EIF2AK4: variants seen among roughly 807,000 people sequenced by gnomAD.
EIF2AK4 encodes eukaryotic translation initiation factor 2 alpha kinase 4, also known as eIF-2-alpha kinase GCN2.
In EIF2AK4, 139 loss-of-function variants were observed where a neutral mutation model predicts 211.1. The observed-to-expected ratio is 0.66, with a 90% CI of 0.57 to 0.76. The LOEUF (loss-of-function observed/expected upper bound fraction) is 0.76. Ranked by LOEUF, EIF2AK4 falls within the 30% of genes least tolerant of loss-of-function variation. The probability of loss-of-function intolerance (pLI) is 0.00; values close to 1 mark genes in which losing one functional copy is unlikely to be tolerated. For synonymous variants in EIF2AK4, 710 were observed against 751.3 expected, an observed-to-expected ratio of 0.94 and a Z score of 0.90; for missense variants, 1,664 against 2,043.8, an observed-to-expected ratio of 0.81 and a Z score of 3.58.
chr15:40,035,077 T>C lies in EIF2AK4; in HGVS notation c.4943T>C (p.Leu1648Ser), dbSNP rs759984595. The change falls in exon 39 of 39, where the codon TTA (leucine) becomes TCA (serine). Residue 1648 changes from leucine to serine, a missense_variant. Around this residue, in one of 7 missense-constraint regions of EIF2AK4, gnomAD observed 138 missense variants for 165.1 expected, o/e 0.84. Coordinates refer to ENST00000263791, the MANE Select transcript of EIF2AK4 (RefSeq NM_001013703.4). Reference protein sequence around the residue: ...YSYRDDYYRILF With the variant: ...YSYRDDYYRISF Reference sequence around the variant, plus strand: ...TATAGAGATGACTACTACAGAATCTTATTTTAACCCTAAAGAACTGTCGTT... The same window carrying C: ...TATAGAGATGACTACTACAGAATCTCATTTTAACCCTAAAGAACTGTCGTT... The C allele has an allele frequency of 7.6e-6, 12 of 1,581,386 alleles. No homozygotes were observed. The highest frequency in any genetic ancestry group is 1.0e-5 in the Non-Finnish European group (12 of 1,163,466).
chr15:40,003,984 A>G (rs2035126365), intron 23 of EIF2AK4, among the ~76,000 whole-genome samples: 1 of 152,248 alleles, frequency 6.6e-6, no homozygotes, highest in Non-Finnish European at 1.5e-5. Context: ...CTCTCAGAAG[A>G]GAATATGTGC....
intron 27 of EIF2AK4, among the ~76,000 whole-genome samples, chr15:40,014,225 A>G (rs2035275984): frequency 2.6e-5 from 4 of 152,160 alleles, no homozygotes; most frequent in Non-Finnish European, 5.9e-5. Context: ...TCCCTCCTGG[A>G]TGCTTCCATG....
chr15:40,031,865 A>G (rs574854289), intron 35 of EIF2AK4, among the ~76,000 whole-genome samples: 19 of 152,156 alleles, frequency 1.2e-4, no homozygotes, highest in Admixed American at 2.6e-4. Flanking sequence ...AGCTAGTATT[A>G]TAAGCGCCGG....
intron 13 of EIF2AK4, 54 bp from the exon 14 acceptor site, chr15:39,985,751 T>C: frequency 6.4e-7 from 1 of 1,571,846 alleles, no homozygotes; most frequent in African/African-American, 1.3e-5. Context: ...ATGGTGATGA[T>C]TTTGCTTAAT....
Position 39,992,856 on chromosome 15 carries a change from G to GT in EIF2AK4, c.2766+12dup. The GT allele has an allele frequency of 6.2e-7, 1 of 1,613,748 alleles. No individual in the cohort carries two copies. The highest frequency in any genetic ancestry group is 1.1e-5 in the South Asian group (1 of 91,068). On this transcript the variant is annotated intron_variant, in intron 18 of 38. Transcript: ENST00000263791. ...AAATCTGCATACAACCAGGTAAGAG[G>GT]TTTTGTGGGGAAAAGGAATCTCAAA...
At chr15:40,007,125 A>G in intron 24 of EIF2AK4, 60 bp downstream of exon 24, 9 of 1,386,602 alleles carry the variant, frequency 6.5e-6, no homozygotes, top group Non-Finnish European at 9.1e-6. Flanking sequence ...ATAATTTGTC[A>G]ACCAGGAAAG....
At chr15:39,951,571 A>G (rs1377358544) in intron 4 of EIF2AK4, 2 of 327,250 alleles carry the variant, frequency 6.1e-6, no homozygotes, top group African/African-American at 2.3e-5. Context: ...TTCTCTCACC[A>G]GATGCTGGAG....
intron 16 of EIF2AK4, among the ~76,000 whole-genome samples, chr15:39,990,627 G>A (rs1054508376): frequency 1.3e-5 from 2 of 152,230 alleles, no homozygotes; most frequent in Non-Finnish European, 2.9e-5. Context: ...GGTCAAAGGT[G>A]TACAGTACTT....
intron 6 of EIF2AK4, among the ~76,000 whole-genome samples, chr15:39,961,132 G>A (rs2034466298): frequency 6.6e-6 from 1 of 152,176 alleles, no homozygotes; most frequent in Admixed American, 6.5e-5. Flanking sequence ...AAGAAAGAGA[G>A]GAGAGGCTGG....
intron 37 of EIF2AK4, among the ~76,000 whole-genome samples, chr15:40,033,532 A>G (rs1488112760): frequency 6.6e-6 from 1 of 152,230 alleles, no homozygotes; most frequent in Non-Finnish European, 1.5e-5. Flanking sequence ...ATGTCATATC[A>G]AAGAATACTT....
chr15:39,948,552 G>T (rs779225689), intron 3 of EIF2AK4, among the ~76,000 whole-genome samples: 1 of 152,172 alleles, frequency 6.6e-6, no homozygotes. Context: ...TCTCTAAGTG[G>T]AAATAAAATA....
At chr15:39,965,646 T>A in intron 7 of EIF2AK4, 40 bp from the exon 8 acceptor site, 1 of 1,607,380 alleles carries the variant, frequency 6.2e-7, no homozygotes, top group Non-Finnish European at 8.5e-7. Context: ...AGAGAAAACA[T>A]ACCAGTGGGA....
intron 17 of EIF2AK4, chr15:39,992,442 G>A (rs1042425149): frequency 5.6e-6 from 3 of 533,562 alleles, no homozygotes; most frequent in Non-Finnish European, 9.8e-6. Context: ...TCAGTGAGTA[G>A]AATAATTGGC....
chr15:39,967,408 A>G lies in EIF2AK4; in HGVS notation c.1082A>G (p.Tyr361Cys), dbSNP rs1268707515. 6.2e-7 allele frequency: 1 copy of G among 1,612,900 alleles called. No homozygotes were observed. Among genetic ancestry groups the G allele is most frequent in the African/African-American group, 1.3e-5 (1 of 74,490 alleles). Reference protein sequence around the residue: ...VKLSHPNVVRYLAMNLKEQDD... With the variant: ...VKLSHPNVVRCLAMNLKEQDD... ...TTGAGCCATCCAAATGTAGTACGCT[A>G]CCTTGCAATGAATCTCAAAGAGCAA... The change falls in exon 9 of 39, where the codon TAC (tyrosine) becomes TGC (cysteine). Residue 361 changes from tyrosine to cysteine, a missense_variant. Coordinates refer to ENST00000263791, the MANE Select transcript of EIF2AK4 (RefSeq NM_001013703.4).
chr15:40,022,635 A>C, intron 32 of EIF2AK4, 30 bp downstream of exon 32: 1 of 1,604,894 alleles, frequency 6.2e-7, no homozygotes, highest in East Asian at 2.2e-5. Flanking sequence ...TTTACAATTC[A>C]ATAGTTAGGT....
At chr15:39,990,990 G>A (rs1006475464) in intron 16 of EIF2AK4, among the ~76,000 whole-genome samples, 2 of 152,232 alleles carry the variant, frequency 1.3e-5, no homozygotes, top group African/African-American at 4.8e-5. Context: ...GGGAGAGTAA[G>A]AGGATGCGGG....
Position 40,000,964 on chromosome 15 carries a change from C to T in EIF2AK4, c.2923-24C>T, listed in dbSNP as rs367723626. ...AGCATTATCCATTGCATCCCATTAG[C>T]AGTGTGCCTGGGTTTTATTGTAGAA... On this transcript the variant is annotated intron_variant, in intron 20 of 38. Transcript: ENST00000263791. 2.5e-5 allele frequency: 41 copies of T among 1,609,548 alleles called. No homozygotes were observed. The African/African-American group carries it at 5.3e-4, about 21-fold the overall frequency.
chr15:39,971,584 G>T (rs1202337289), intron 9 of EIF2AK4, among the ~76,000 whole-genome samples: 3 of 151,980 alleles, frequency 2.0e-5, no homozygotes. Context: ...CAGCATGGTG[G>T]TACACGCCTG....
intron 3 of EIF2AK4, among the ~76,000 whole-genome samples, chr15:39,948,902 G>C (rs1288149310): frequency 3.3e-5 from 5 of 152,192 alleles, no homozygotes; most frequent in African/African-American, 4.8e-5. Flanking sequence ...GTAATGATCT[G>C]TCTTGATAAT....
Sources: allele counts gnomAD v4.1 joint callset (sites outside exome capture counted in the v4.1 genomes callset), GRCh38; gene constraint gnomAD v4.1.1; regional missense constraint gnomAD v4.1.1; transcripts MANE v1.5; gene names NCBI Gene and HGNC (gene_info 2026-07-23, HGNC 2026-07-21).